Variants in RPS6KC1 observed in about 807,000 individuals in gnomAD.
RPS6KC1 encodes the protein ribosomal protein S6 kinase C1, also known as inactive ribosomal protein S6 kinase delta-1.
In RPS6KC1, 54 loss-of-function variants were observed where a neutral mutation model predicts 103.8. The observed-to-expected ratio is 0.52, with a 90% CI of 0.42 to 0.65. The LOEUF (loss-of-function observed/expected upper bound fraction) is 0.65. Among genes scored for constraint, RPS6KC1 ranks in the 30% least tolerant of loss-of-function variants. The pLI is 0.00. For synonymous variants in RPS6KC1, 439 were observed against 438.7 expected (o/e 1.00, Z -0.01); for missense variants, 1,151 against 1,253.8 (o/e 0.92, Z 1.24).
chr1:213,155,617 C>G (rs191996073), intron 6 of RPS6KC1, among the ~76,000 whole-genome samples: 9 of 152,302 alleles, frequency 5.9e-5, no homozygotes, highest in Non-Finnish European at 1.2e-4. Flanking sequence ...GCACCATGCT[C>G]CAGTAGGAGC....
chr1:213,571,729 C>T, the RPS6KC1 span, among the ~76,000 whole-genome samples: 2 of 152,186 alleles, frequency 1.3e-5, no homozygotes, highest in South Asian at 4.1e-4. Context: ...TAGGGCAGAG[C>T]AGAATCACTG....
intron 6 of RPS6KC1, among the ~76,000 whole-genome samples, chr1:213,133,426 C>T (rs1400638251): frequency 6.6e-6 from 1 of 152,100 alleles, no homozygotes; most frequent in Non-Finnish European, 1.5e-5. Flanking sequence ...TATTTTTAAT[C>T]TTCAAAGGAA....
intron 13 of RPS6KC1, among the ~76,000 whole-genome samples, chr1:213,262,009 G>T (rs938715745): frequency 1.3e-5 from 2 of 152,128 alleles, no homozygotes; most frequent in African/African-American, 4.8e-5. Context: ...AACCAGGAGA[G>T]AATTCTTATT....
intron 8 of RPS6KC1, among the ~76,000 whole-genome samples, chr1:213,214,271 G>A (rs1031883383): frequency 7.9e-5 from 12 of 152,246 alleles, no homozygotes; most frequent in Admixed American, 6.5e-4. Flanking sequence ...ACGGAGCTTC[G>A]CTCATTGCTA....
chr1:213,556,053 G>A, the RPS6KC1 span, among the ~76,000 whole-genome samples: 1 of 152,202 alleles, frequency 6.6e-6, no homozygotes, highest in East Asian at 1.9e-4. Flanking sequence ...TTAAGATGCT[G>A]TGAGAAAAGA....
At chr1:213,073,665 TTATTATTTA>T (rs544872408) in intron 2 of RPS6KC1, among the ~76,000 whole-genome samples, 2 of 151,720 alleles carry the variant, frequency 1.3e-5, no homozygotes, top group Non-Finnish European at 2.9e-5. Flanking sequence ...TATTATTTAT[TTATTATTTA>T]TATTATTTAT....
the RPS6KC1 span, among the ~76,000 whole-genome samples, chr1:213,386,894 T>A: frequency 2.6e-5 from 4 of 152,370 alleles, no homozygotes; most frequent in South Asian, 6.2e-4. Flanking sequence ...GTCATTTTTT[T>A]AAACCATCTC....
chr1:213,540,798 GC>G, the RPS6KC1 span, among the ~76,000 whole-genome samples: 5,086 of 152,212 alleles, frequency 0.033, 476 homozygotes, highest in East Asian at 0.28. Flanking sequence ...ATCCTCTCAA[GC>G]CCTGTCACTG....
chr1:213,602,366 T>C, the RPS6KC1 span, among the ~76,000 whole-genome samples: 1 of 150,374 alleles, frequency 6.7e-6, no homozygotes, highest in Non-Finnish European at 1.5e-5. Flanking sequence ...CCCGAGTAGC[T>C]GGGATTACAG....
chr1:213,342,509 C>G, the RPS6KC1 span, among the ~76,000 whole-genome samples: 7 of 152,164 alleles, frequency 4.6e-5, no homozygotes, highest in African/African-American at 1.4e-4. Context: ...GTATATGGCT[C>G]TTGGTGCCTC....
the RPS6KC1 span, among the ~76,000 whole-genome samples, chr1:213,327,457 GC>G: frequency 6.6e-6 from 1 of 152,226 alleles, no homozygotes; most frequent in Admixed American, 6.5e-5. Context: ...CAGCCATGGG[GC>G]CTCTGACTCA....
the RPS6KC1 span, among the ~76,000 whole-genome samples, chr1:213,439,124 C>T: frequency 0.75 from 114,525 of 152,008 alleles, 43,510 homozygotes; most frequent in East Asian, 0.97. Context: ...TATAACTGCC[C>T]TGATACACCT....
chr1:213,674,743 C>T, the RPS6KC1 span, among the ~76,000 whole-genome samples: 1 of 152,266 alleles, frequency 6.6e-6, no homozygotes, highest in South Asian at 2.1e-4. Flanking sequence ...ATTTACATTC[C>T]CACCAACAGT....
chr1:213,453,580 C>T, the RPS6KC1 span, among the ~76,000 whole-genome samples: 2 of 152,078 alleles, frequency 1.3e-5, no homozygotes, highest in African/African-American at 4.8e-5. Flanking sequence ...AATAGTGAGC[C>T]AGAGACCGTG....
At chr1:213,623,939 G>A in the RPS6KC1 span, among the ~76,000 whole-genome samples, 3 of 152,202 alleles carry the variant, frequency 2.0e-5, no homozygotes, top group East Asian at 1.9e-4. Context: ...CAGGGTTACC[G>A]CTGGACACTG....
chr1:213,365,546 G>C, the RPS6KC1 span, among the ~76,000 whole-genome samples: 1 of 152,242 alleles, frequency 6.6e-6, no homozygotes, highest in Non-Finnish European at 1.5e-5. Flanking sequence ...TCCCAGGGGA[G>C]TGGTATATCA....
chr1:213,508,039 G>A, the RPS6KC1 span, among the ~76,000 whole-genome samples: 4 of 152,250 alleles, frequency 2.6e-5, no homozygotes, highest in Non-Finnish European at 2.9e-5. Context: ...TGTACTTAGC[G>A]GTACTTATAC....
At chr1:213,813,252 C>T in the RPS6KC1 span, among the ~76,000 whole-genome samples, 23 of 151,904 alleles carry the variant, frequency 1.5e-4, no homozygotes, top group Non-Finnish European at 3.1e-4. Flanking sequence ...CTCTGTCTCC[C>T]GCTGTCACCC....
intron 6 of RPS6KC1, among the ~76,000 whole-genome samples, chr1:213,152,215 TGGCCGGGCGGGG>T (rs1392862080): frequency 7.3e-5 from 10 of 136,154 alleles, no homozygotes; most frequent in African/African-American, 2.5e-4. Flanking sequence ...ACGGGGCGGC[TGGCCGGGCGGGG>T]GGCTGATGCC....
Sources: gnomAD v4.1 joint callset for allele counts (sites outside exome capture counted in the v4.1 genomes callset) on GRCh38, gnomAD v4.1.1 for gene constraint, MANE v1.5 for transcripts, NCBI Gene and HGNC (gene_info 2026-07-23, HGNC 2026-07-21) for gene names.